Variants in KIAA1217 observed in about 807,000 individuals in gnomAD.
KIAA1217 encodes sickle tail protein homolog.
In KIAA1217, 88 loss-of-function variants were observed where a neutral mutation model predicts 163.9. The observed-to-expected ratio is 0.54, with a 90% CI of 0.45 to 0.64. KIAA1217 has a LOEUF of 0.64. Among genes scored for constraint, KIAA1217 ranks in the 30% least tolerant of loss-of-function variants. KIAA1217 has a pLI of 0.00. For synonymous variants in KIAA1217, 903 were observed against 923.1 expected (o/e 0.98, Z 0.39); for missense variants, 2,372 against 2,475.0 (o/e 0.96, Z 0.88).
At chr10:23,770,074 T>TAG (rs1278744634) in intron 1 of KIAA1217, among the ~76,000 whole-genome samples, 1 of 152,214 alleles carries the variant, frequency 6.6e-6, no homozygotes, top group African/African-American at 2.4e-5. Context: ...CCATGTACAA[T>TAG]GGGACAAGTT....
rs200191795 is a variant in KIAA1217, at chr10:23,745,188, TA to T, written c.-321+49958del. Among the ~76,000 whole-genome samples, 178 of 152,336 alleles carry T rather than the reference TA, an allele frequency of 1.2e-3. 12 individuals are homozygous for T. In the East Asian group the frequency reaches 0.028, roughly 24 times the overall value. The stretch of plus-strand genomic sequence containing the variant: ...TTTGTTGCCAACAAAACATGAATTT[TA>T]AAACTACTTTTTTCCATGTCGATGT... On this transcript the variant is annotated intron_variant, in intron 1 of 18. Coordinates refer to the KIAA1217 transcript ENST00000376462.
intron 1 of KIAA1217, among the ~76,000 whole-genome samples, chr10:23,756,752 T>C (rs1194684215): frequency 1.3e-5 from 2 of 152,240 alleles, no homozygotes; most frequent in South Asian, 2.1e-4. Flanking sequence ...TTATTTATTG[T>C]GGTAAAACAT....
intron 1 of KIAA1217, among the ~76,000 whole-genome samples, chr10:23,739,251 G>C (rs1328850075): frequency 1.3e-5 from 2 of 152,018 alleles, no homozygotes; most frequent in Admixed American, 6.6e-5. Flanking sequence ...ACTCGAAAGG[G>C]GCAGGTGATG....
intron 2 of KIAA1217, among the ~76,000 whole-genome samples, chr10:24,304,609 C>T (rs1053558804): frequency 2.0e-5 from 3 of 152,136 alleles, no homozygotes; most frequent in African/African-American, 4.8e-5. Flanking sequence ...GCTGAGATTA[C>T]AGGCATGAGC....
At chr10:24,413,671 T>C (rs1398656843) in intron 3 of KIAA1217, among the ~76,000 whole-genome samples, 1 of 152,188 alleles carries the variant, frequency 6.6e-6, no homozygotes, top group Non-Finnish European at 1.5e-5. Flanking sequence ...TCTCTGCTGT[T>C]TCTGGAGCAC....
chr10:24,513,376 G>C lies in KIAA1217; in HGVS notation c.2119G>C (p.Val707Leu). ...TCCCGTGCAGCGACAGCGCGTCCTA[G>C]TGGAGCAAGAGAGACAAAAATATCT... Reference protein sequence around the residue: ...EDPVQRQRVLVEQERQKYLHE... With the variant: ...EDPVQRQRVLLEQERQKYLHE... Residue 707 changes from valine to leucine, a missense_variant, in exon 10 of 21, where the codon GTG (valine) becomes CTG (leucine). Val to Leu is a conservative substitution (Grantham distance 32, BLOSUM62 1). Around this residue, in one of 3 missense-constraint regions of KIAA1217, gnomAD observed 1,431 missense variants for 1,470.3 expected, o/e 0.97. Transcript: ENST00000376454. 6.2e-7 allele frequency: 1 copy of C among 1,614,228 alleles called. No homozygotes were observed. Among genetic ancestry groups the C allele is most frequent in the Non-Finnish European group, 8.5e-7 (1 of 1,180,042 alleles).
At chr10:24,121,629 G>T (rs2063285262) in intron 2 of KIAA1217, among the ~76,000 whole-genome samples, 1 of 152,132 alleles carries the variant, frequency 6.6e-6, no homozygotes, top group East Asian at 1.9e-4. Flanking sequence ...CTACTGTCAT[G>T]AAAATTTTAT....
intron 2 of KIAA1217, among the ~76,000 whole-genome samples, chr10:24,262,007 G>A (rs986714223): frequency 6.6e-6 from 1 of 152,118 alleles, no homozygotes; most frequent in Admixed American, 6.5e-5. Flanking sequence ...TGACCTGCAG[G>A]AATCATTGTA....
chr10:24,366,941 C>T (rs2134383303), intron 2 of KIAA1217, among the ~76,000 whole-genome samples: 1 of 152,280 alleles, frequency 6.6e-6, no homozygotes, highest in African/African-American at 2.4e-5. Context: ...ACATGTCTTT[C>T]TAAAATATAA....
chr10:23,762,341 T>C (rs1157436580), intron 1 of KIAA1217, among the ~76,000 whole-genome samples: 3 of 151,158 alleles, frequency 2.0e-5, no homozygotes, highest in African/African-American at 7.3e-5. Context: ...CAGGCCAATA[T>C]CCCGGATGAA....
At chr10:23,757,382 G>T (rs1833975073) in intron 1 of KIAA1217, among the ~76,000 whole-genome samples, 8 of 151,990 alleles carry the variant, frequency 5.3e-5, no homozygotes, top group Admixed American at 5.2e-4. Context: ...ACTAACACCG[G>T]TCATTTTTTA....
intron 2 of KIAA1217, among the ~76,000 whole-genome samples, chr10:24,198,694 A>C (rs983689768): frequency 2.0e-5 from 3 of 152,146 alleles, no homozygotes; most frequent in African/African-American, 4.8e-5. Context: ...TGACCTCATA[A>C]ATCTCATGAA....
intron 2 of KIAA1217, among the ~76,000 whole-genome samples, chr10:24,171,789 A>G (rs953803930): frequency 3.9e-5 from 6 of 152,238 alleles, no homozygotes; most frequent in Non-Finnish European, 5.9e-5. Context: ...CTCCATCTCA[A>G]AAAAGTAAAT....
At chr10:23,860,243 T>G (rs1432011726) in intron 1 of KIAA1217, among the ~76,000 whole-genome samples, 1 of 152,120 alleles carries the variant, frequency 6.6e-6, no homozygotes, top group Admixed American at 6.6e-5. Flanking sequence ...GCACATTTTT[T>G]TTTTTATCTT....
chr10:24,013,096 T>A (rs1265690197), intron 2 of KIAA1217, among the ~76,000 whole-genome samples: 2 of 152,164 alleles, frequency 1.3e-5, no homozygotes, highest in African/African-American at 4.8e-5. Flanking sequence ...CCTTTCACGA[T>A]CTATTTGGTG....
At chr10:23,927,475 A>G (rs1419868379) in intron 1 of KIAA1217, among the ~76,000 whole-genome samples, 1 of 152,162 alleles carries the variant, frequency 6.6e-6, no homozygotes, top group Non-Finnish European at 1.5e-5. Context: ...AACTAGTAGT[A>G]AATCAGAGGT....
chr10:24,228,572 A>C (rs2070917509), intron 2 of KIAA1217, among the ~76,000 whole-genome samples: 1 of 152,148 alleles, frequency 6.6e-6, no homozygotes. Flanking sequence ...CCATCTCAAC[A>C]CATGGATTCC....
intron 2 of KIAA1217, among the ~76,000 whole-genome samples, chr10:24,169,841 A>G (rs1042903525): frequency 5.3e-5 from 8 of 152,188 alleles, no homozygotes; most frequent in Admixed American, 3.9e-4. Flanking sequence ...TTTATAGGAC[A>G]TAAAGTATTC....
Position 23,741,571 on chromosome 10 carries a change from G to A in KIAA1217, c.-321+46337G>A, listed in dbSNP as rs1036461187. 2.0e-5 allele frequency among the ~76,000 whole-genome samples: 3 copies of A among 152,132 alleles called. No individual in the cohort carries two copies. The East Asian group carries it at 5.8e-4, about 29-fold the overall frequency. On this transcript the variant is annotated intron_variant, in intron 1 of 18. Coordinates refer to the KIAA1217 transcript ENST00000376462. ...ACTAACCCCCCTTTTCAGCATCTCA[G>A]AGATGACATCAGTAGGTTGCTTCAG...
Sources: gnomAD v4.1 joint callset for allele counts (sites outside exome capture counted in the v4.1 genomes callset) on GRCh38, gnomAD v4.1.1 for gene constraint, gnomAD v4.1.1 regional missense constraint, MANE v1.5 for transcripts, NCBI Gene and HGNC (gene_info 2026-07-23, HGNC 2026-07-21) for gene names.